Variants in ADAMTSL1 observed in about 807,000 individuals in gnomAD.
The protein encoded by ADAMTSL1 is ADAMTS-like protein 1.
Under a neutral mutation model 201.8 loss-of-function variants are expected in ADAMTSL1, and 126 were observed. The observed-to-expected ratio is 0.62, with a 90% CI of 0.54 to 0.72. The LOEUF (loss-of-function observed/expected upper bound fraction) is 0.72. Among genes scored for constraint, ADAMTSL1 ranks in the 30% least tolerant of loss-of-function variants. The pLI is 0.00. For synonymous variants in ADAMTSL1, 1,121 were observed against 903.4 expected (o/e 1.24, Z -4.32); for missense variants, 2,679 against 2,277.8 (o/e 1.18, Z -3.59).
At chr9:18,599,919 G>A (rs895155257) in intron 4 of ADAMTSL1, among the ~76,000 whole-genome samples, 3 of 149,008 alleles carry the variant, frequency 2.0e-5, no homozygotes, top group African/African-American at 5.0e-5. Context: ...TTGGGAGGCC[G>A]AGGCGGGCAG....
intron 1 of ADAMTSL1, among the ~76,000 whole-genome samples, chr9:17,936,760 A>G (rs533107839): frequency 6.6e-6 from 1 of 152,264 alleles, no homozygotes; most frequent in East Asian, 1.9e-4. Flanking sequence ...CACCGCCTGC[A>G]TGGATGGGCT....
chr9:18,045,112 G>A (rs1028591239), intron 1 of ADAMTSL1, among the ~76,000 whole-genome samples: 2 of 152,112 alleles, frequency 1.3e-5, no homozygotes, highest in Admixed American at 1.3e-4. Context: ...TGGGGCTCTA[G>A]TTCCTCATCA....
Position 18,908,597 on chromosome 9 carries a change from G to A in ADAMTSL1, c.*49G>A, listed in dbSNP as rs368577751. Reference sequence around the variant, plus strand: ...TACCCTGGCCACACGAAGGACTCACGCAACCACCTCGGACAGAACCTAAGC... The same window carrying A: ...TACCCTGGCCACACGAAGGACTCACACAACCACCTCGGACAGAACCTAAGC... On this transcript the variant is annotated 3_prime_UTR_variant, in exon 29 of 29. Coordinates refer to ENST00000380548, the MANE Select transcript of ADAMTSL1 (RefSeq NM_001040272.6). 1.5e-4 allele frequency: 220 copies of A among 1,420,336 alleles called. No homozygotes were observed. The highest frequency in any genetic ancestry group is 3.5e-4 in the Middle Eastern group (2 of 5,698). 88.0% of individuals were successfully genotyped at this position (1,420,336 alleles called of 1,614,324 possible). A position where few individuals can be genotyped will look rare whatever the true frequency, so the allele number is the denominator to read the frequency against.
intron 1 of ADAMTSL1, among the ~76,000 whole-genome samples, chr9:18,487,057 G>A (rs1822033701): frequency 1.3e-5 from 2 of 152,264 alleles, no homozygotes; most frequent in Admixed American, 6.5e-5. Context: ...TGGTCTAAAT[G>A]TATCTGCCCT....
intron 2 of ADAMTSL1, among the ~76,000 whole-genome samples, chr9:18,300,996 C>T (rs1833688298): frequency 2.0e-5 from 3 of 152,120 alleles, no homozygotes; most frequent in Admixed American, 2.0e-4. Flanking sequence ...ACAATTATTT[C>T]AGTGGGAGTG....
At chr9:18,507,939 CT>C (rs1263452401) in intron 2 of ADAMTSL1, among the ~76,000 whole-genome samples, 2 of 152,124 alleles carry the variant, frequency 1.3e-5, no homozygotes, top group Non-Finnish European at 2.9e-5. Context: ...AATTGCAGCA[CT>C]TTGGGAGGCC....
In ADAMTSL1 at chr9:18,419,755, T is replaced by C. The variant is rs1204629998; in HGVS notation, c.208-85074T>C. Among the ~76,000 whole-genome samples the C allele has an allele frequency of 2.8e-5, 4 of 143,216 alleles. No homozygotes were observed. The East Asian group carries it at 6.4e-4, about 23-fold the overall frequency. The allele number at this position is 143,216 out of a possible 152,430, so 94.0% of individuals were successfully genotyped here. On this transcript the variant is annotated intron_variant, in intron 2 of 29. Coordinates refer to the ADAMTSL1 transcript ENST00000680146. ...ACTTTTTTTTTTTTTTTTTTTGAGATGGAGTCTTGCTCTGTCGCTCAGGCT... is the reference window on the plus strand; with the variant it reads ...ACTTTTTTTTTTTTTTTTTTTGAGACGGAGTCTTGCTCTGTCGCTCAGGCT...
intron 1 of ADAMTSL1, among the ~76,000 whole-genome samples, chr9:18,097,643 A>G (rs1824313621): frequency 6.6e-6 from 1 of 152,176 alleles, no homozygotes; most frequent in Non-Finnish European, 1.5e-5. Flanking sequence ...AGTCTAATGC[A>G]TGTCTCTCAT....
intron 2 of ADAMTSL1, among the ~76,000 whole-genome samples, chr9:18,232,946 G>A (rs1048676618): frequency 1.3e-5 from 2 of 152,140 alleles, no homozygotes; most frequent in African/African-American, 4.8e-5. Context: ...GGCTAGACTA[G>A]AGGAGAATCA....
intron 1 of ADAMTSL1, among the ~76,000 whole-genome samples, chr9:18,000,584 A>G (rs1340151080): frequency 6.6e-6 from 1 of 152,000 alleles, no homozygotes; most frequent in Non-Finnish European, 1.5e-5. Flanking sequence ...TTTATAGGTG[A>G]CTTTTAACTT....
chr9:18,875,696 T>C (rs749568917), intron 23 of ADAMTSL1, among the ~76,000 whole-genome samples: 1 of 152,166 alleles, frequency 6.6e-6, no homozygotes, highest in Non-Finnish European at 1.5e-5. Context: ...GAATATTCCA[T>C]GTGCTGATGA....
intron 1 of ADAMTSL1, among the ~76,000 whole-genome samples, chr9:17,917,917 G>A (rs979773892): frequency 3.9e-4 from 59 of 152,006 alleles, no homozygotes; most frequent in African/African-American, 1.3e-3. Flanking sequence ...TCACAAGTTC[G>A]TCAGTTTCAT....
At chr9:18,636,186 A>G (rs1388184724) in intron 6 of ADAMTSL1, among the ~76,000 whole-genome samples, 169 bp downstream of exon 6, 1 of 152,216 alleles carries the variant, frequency 6.6e-6, no homozygotes, top group Non-Finnish European at 1.5e-5. Flanking sequence ...GAGATGGCAG[A>G]AACCCCTGTA....
chr9:18,143,065 A>G (rs866478398), intron 1 of ADAMTSL1, among the ~76,000 whole-genome samples: 16 of 152,190 alleles, frequency 1.1e-4, no homozygotes, highest in African/African-American at 3.1e-4. Context: ...TTTCACTCCA[A>G]TGCTAACAGG....
At chr9:18,287,461 A>G (rs1335431842) in intron 2 of ADAMTSL1, among the ~76,000 whole-genome samples, 2 of 151,700 alleles carry the variant, frequency 1.3e-5, no homozygotes, top group East Asian at 1.9e-4. Flanking sequence ...TTTTACACAT[A>G]TATGTAAATG....
intron 1 of ADAMTSL1, among the ~76,000 whole-genome samples, chr9:18,061,460 T>G (rs7855468): frequency 2.0e-5 from 3 of 151,960 alleles, no homozygotes; most frequent in Admixed American, 2.0e-4. Context: ...ACAAAATTGA[T>G]GTGAAGATCA....
intron 1 of ADAMTSL1, among the ~76,000 whole-genome samples, chr9:18,085,976 T>C (rs192961911): frequency 6.6e-6 from 1 of 152,010 alleles, no homozygotes; most frequent in Non-Finnish European, 1.5e-5. Flanking sequence ...AGATAATATC[T>C]TGAAAGTCAA....
intron 2 of ADAMTSL1, among the ~76,000 whole-genome samples, chr9:18,420,628 G>T (rs1327547258): frequency 1.3e-5 from 2 of 152,078 alleles, no homozygotes; most frequent in African/African-American, 4.8e-5. Context: ...TTCTTTCAGT[G>T]CTATTGCTGG....
At chr9:18,628,117 A>AT (rs1202251629) in intron 5 of ADAMTSL1, among the ~76,000 whole-genome samples, 2 of 151,930 alleles carry the variant, frequency 1.3e-5, no homozygotes, top group African/African-American at 2.4e-5. Flanking sequence ...CCACGCTATC[A>AT]TTTTTTTTCT....
Sources: gnomAD v4.1 joint callset for allele counts (sites outside exome capture counted in the v4.1 genomes callset) on GRCh38, gnomAD v4.1.1 for gene constraint, MANE v1.5 for transcripts, NCBI Gene and HGNC (gene_info 2026-07-23, HGNC 2026-07-21) for gene names.